The following THBS4 variants were observed in gnomAD, a reference collection of about 807,000 sequenced individuals.
The protein encoded by THBS4 is thrombospondin 4, also known as thrombospondin-4.
A neutral mutation model predicts 115.7 loss-of-function variants in THBS4; 90 were observed. The ratio of observed to expected loss-of-function variants is 0.78; its 90% confidence interval spans 0.66 to 0.93. The LOEUF is 0.93. THBS4 is among the 40% of genes least tolerant of loss of function. The probability of loss-of-function intolerance (pLI) is 0.00; values close to 1 mark genes in which losing one functional copy is unlikely to be tolerated. For synonymous variants in THBS4, 460 were observed against 479.3 expected, an observed-to-expected ratio of 0.96 and a Z score of 0.53; for missense variants, 1,087 against 1,232.7, an observed-to-expected ratio of 0.88 and a Z score of 1.77.
At chr5:80,045,038 AATAGCTACCT>A (rs1251850509) in intron 2 of THBS4, among the ~76,000 whole-genome samples, 1 of 152,178 alleles carries the variant, frequency 6.6e-6, no homozygotes, top group African/African-American at 2.4e-5. Context: ...TGGGGATAAT[AATAGCTACCT>A]CACAGGCTGG....
chr5:79,994,331 T>A, intron 1 of THBS4, among the ~76,000 whole-genome samples: 1 of 152,174 alleles, frequency 6.6e-6, no homozygotes, highest in East Asian at 1.9e-4. Context: ...GCTTCAGAGT[T>A]TATACTCTTA....
chr5:80,078,644 G>A (rs1743337862), intron 17 of THBS4, among the ~76,000 whole-genome samples: 1 of 152,172 alleles, frequency 6.6e-6, no homozygotes, highest in South Asian at 2.1e-4. Flanking sequence ...AGAAGTATAT[G>A]TTGTATGCTC....
At chr5:80,039,937 C>T in intron 1 of THBS4, 140 bp from the exon 2 acceptor site, 1 of 716,342 alleles carries the variant, frequency 1.4e-6, no homozygotes, top group Admixed American at 2.6e-5. Context: ...GTGAGTTTGG[C>T]AATACGGAAA....
intron 1 of THBS4, among the ~76,000 whole-genome samples, chr5:79,994,551 C>T (rs1032814888): frequency 6.6e-6 from 1 of 152,178 alleles, no homozygotes; most frequent in Non-Finnish European, 1.5e-5. Flanking sequence ...AATTTATGTT[C>T]GCCTGTAATC....
intron 2 of THBS4, among the ~76,000 whole-genome samples, chr5:80,045,198 A>G (rs945403027): frequency 6.6e-6 from 1 of 152,134 alleles, no homozygotes; most frequent in African/African-American, 2.4e-5. Context: ...GGTTTGGTGA[A>G]CTCTTGGCTT....
Position 80,035,474 on chromosome 5 carries a change from G to C in THBS4, c.-64G>C. 4.2e-6 allele frequency: 5 copies of C among 1,179,152 alleles called. No individual in the cohort carries two copies. Among genetic ancestry groups the C allele is most frequent in the Non-Finnish European group, 5.4e-6 (5 of 930,392 alleles). The allele number at this position is 1,179,152 out of a possible 1,614,324, so 73.0% of individuals were successfully genotyped here. On this transcript the variant is annotated 5_prime_UTR_variant, in exon 1 of 22. Coordinates refer to ENST00000350881, the MANE Select transcript of THBS4 (RefSeq NM_003248.6). This position sits in a 1 kb window ranked among gnomAD's most constrained non-coding sequence, Gnocchi z 4.6. The stretch of plus-strand genomic sequence containing the variant: ...GACCGAGGTTCAACGCACGGCCCGG[G>C]GACCCCCAGGCGGGGCCAACGCCGC...
chr5:80,059,327 CAAA>C (rs34023954), intron 5 of THBS4, 110 bp from the exon 6 acceptor site: 11,588 of 759,448 alleles, frequency 0.015, no homozygotes, highest in Middle Eastern at 0.021. Context: ...GAGACTGTCT[CAAA>C]AAAAAAAAAA....
intron 2 of THBS4, among the ~76,000 whole-genome samples, chr5:80,026,326 C>T (rs1403435285): frequency 9.2e-5 from 14 of 152,182 alleles, no homozygotes; most frequent in Non-Finnish European, 2.1e-4. Context: ...ACTCCTAGAT[C>T]TGAGTAGTCA....
At chr5:80,081,009 T>C (rs570964694) in intron 20 of THBS4, among the ~76,000 whole-genome samples, 4 of 152,312 alleles carry the variant, frequency 2.6e-5, no homozygotes, top group African/African-American at 7.2e-5. Context: ...TAGGACTTTT[T>C]TGTTGTTGTT....
At chr5:80,078,570 A>C (rs1743333063) in intron 17 of THBS4, among the ~76,000 whole-genome samples, 1 of 152,222 alleles carries the variant, frequency 6.6e-6, no homozygotes, top group East Asian at 1.9e-4. Flanking sequence ...TTGTGTAACT[A>C]AGAAGTGCAG....
chr5:80,042,627 A>G (rs151229593), intron 2 of THBS4, among the ~76,000 whole-genome samples: 2 of 152,268 alleles, frequency 1.3e-5, no homozygotes, highest in African/African-American at 4.8e-5. Flanking sequence ...GGGTAAGGGG[A>G]TCGTTAGTAT....
At chr5:80,041,586 A>G (rs150701248) in intron 2 of THBS4, among the ~76,000 whole-genome samples, 49 of 152,192 alleles carry the variant, frequency 3.2e-4, no homozygotes, top group African/African-American at 1.0e-3. Flanking sequence ...GTGCGTGCCA[A>G]TTTACACAGG....
intron 15 of THBS4, among the ~76,000 whole-genome samples, chr5:80,075,550 G>A (rs534537518): frequency 6.6e-5 from 10 of 152,218 alleles, no homozygotes; most frequent in South Asian, 6.2e-4. Flanking sequence ...AATGATGTGC[G>A]TCAAGAATGT....
intron 2 of THBS4, among the ~76,000 whole-genome samples, chr5:80,017,837 C>T (rs934174242): frequency 4.6e-5 from 7 of 152,052 alleles, no homozygotes; most frequent in East Asian, 1.9e-4. Context: ...TATTCTTAAA[C>T]GATCTTTTTA....
At chr5:80,044,406 G>T (rs965508985) in intron 2 of THBS4, among the ~76,000 whole-genome samples, 1 of 144,512 alleles carries the variant, frequency 6.9e-6, no homozygotes, top group African/African-American at 2.7e-5. Flanking sequence ...CTGACACATA[G>T]TAGGTAATAA....
intron 2 of THBS4, among the ~76,000 whole-genome samples, chr5:80,018,161 T>C (rs1832286728): frequency 6.6e-6 from 1 of 152,146 alleles, no homozygotes; most frequent in African/African-American, 2.4e-5. Flanking sequence ...TTCTTTCTAC[T>C]GTGTTTTTCC....
At chr5:80,060,898 G>C (rs978240655) in intron 7 of THBS4, among the ~76,000 whole-genome samples, 7 of 152,236 alleles carry the variant, frequency 4.6e-5, no homozygotes, top group African/African-American at 1.7e-4. Flanking sequence ...GAAAGGAGAA[G>C]CGCAGGGGAG....
At chr5:80,026,463 G>T (rs1832477836) in intron 2 of THBS4, among the ~76,000 whole-genome samples, 2 of 152,182 alleles carry the variant, frequency 1.3e-5, no homozygotes, top group Admixed American at 1.3e-4. Flanking sequence ...TGCCAGAAAA[G>T]GCATGATCTA....
At chr5:80,023,664 AAAAG>A (rs1350203704) in intron 2 of THBS4, among the ~76,000 whole-genome samples, 1 of 152,218 alleles carries the variant, frequency 6.6e-6, no homozygotes, top group Admixed American at 6.5e-5. Flanking sequence ...AGTTTATTTT[AAAAG>A]AAAGAGAGAG....
Sources: gnomAD v4.1 joint callset for allele counts (sites outside exome capture counted in the v4.1 genomes callset) on GRCh38, gnomAD v4.1.1 for gene constraint, Gnocchi (gnomAD v3.1) non-coding constraint, MANE v1.5 for transcripts, NCBI Gene and HGNC (gene_info 2026-07-23, HGNC 2026-07-21) for gene names.